Variants in MDM4 observed in about 807,000 individuals in gnomAD.
MDM4 encodes MDM4 regulator of p53.
Under a neutral mutation model 60.2 loss-of-function variants are expected in MDM4, and 2 were observed. The observed-to-expected ratio is 0.03, with a 90% CI of 0.01 to 0.10. The LOEUF (loss-of-function observed/expected upper bound fraction) is 0.10. Among genes scored for constraint, MDM4 ranks in the 10% least tolerant of loss-of-function variants. MDM4 has a pLI of 1.00. For synonymous variants in MDM4, 202 were observed against 198.1 expected, an observed-to-expected ratio of 1.02 and a Z score of -0.17; for missense variants, 447 against 577.5, an observed-to-expected ratio of 0.77 and a Z score of 2.32.
intron 4 of MDM4, among the ~76,000 whole-genome samples, chr1:204,531,719 C>A (rs1408337839): frequency 6.6e-6 from 1 of 152,032 alleles, no homozygotes; most frequent in African/African-American, 2.4e-5. Context: ...ATAATCCTAG[C>A]TAGTAGGGAG....
chr1:204,529,423 C>G lies in MDM4; in HGVS notation c.154-1261C>G, dbSNP rs1660614882. On this transcript the variant is annotated intron_variant, in intron 3 of 10. Coordinates refer to ENST00000367182, the MANE Select transcript of MDM4 (RefSeq NM_002393.5). ...CCGTAGGAATTTGGAGGTGGCTGAC[C>G]ATAGGGGCCCCCTGGAGCTGTACCA... The G allele has an allele frequency of 1.4e-5, 20 of 1,435,056 alleles. No homozygotes were observed. In the South Asian group the frequency reaches 2.3e-4, roughly 17 times the overall value. The allele number at this position is 1,435,056 out of a possible 1,614,324, so 88.9% of individuals were successfully genotyped here.
intron 7 of MDM4, among the ~76,000 whole-genome samples, chr1:204,539,687 C>T (rs182477116): frequency 6.6e-5 from 10 of 151,976 alleles, no homozygotes; most frequent in Admixed American, 4.6e-4. Context: ...CAGGCGTGCA[C>T]CACTACGCCC....
At chr1:204,527,701 C>T (rs1233311434) in intron 3 of MDM4, among the ~76,000 whole-genome samples, 1 of 151,156 alleles carries the variant, frequency 6.6e-6, no homozygotes, top group East Asian at 1.9e-4. Context: ...ATTTTAAACA[C>T]ATGCATTTAA....
At chr1:204,526,464 T>TTG in intron 3 of MDM4, 30 bp downstream of exon 3, 3 of 1,498,194 alleles carry the variant, frequency 2.0e-6, no homozygotes, top group Non-Finnish European at 2.7e-6. Context: ...TCTCATTTTT[T>TTG]TTGTTTTTTT....
chr1:204,517,832 T>C (rs553665643), intron 1 of MDM4, among the ~76,000 whole-genome samples: 2 of 151,078 alleles, frequency 1.3e-5, no homozygotes, highest in East Asian at 3.9e-4. Flanking sequence ...CAGTTTAGAT[T>C]TAGTCTTCTC....
intron 1 of MDM4, among the ~76,000 whole-genome samples, chr1:204,518,237 C>T (rs957929330): frequency 6.6e-6 from 1 of 152,196 alleles, no homozygotes; most frequent in Admixed American, 6.5e-5. Context: ...ACACTACAGC[C>T]TGAAACTCCT....
In MDM4 at chr1:204,555,965, C is replaced by T; in HGVS notation, c.*6283C>T. The T allele has an allele frequency of 9.7e-6, 2 of 205,534 alleles. No homozygotes were observed. Among genetic ancestry groups the T allele is most frequent in the East Asian group, 1.5e-4 (2 of 13,280 alleles). 12.7% of individuals were successfully genotyped at this position (205,534 alleles called of 1,614,324 possible). A position where few individuals can be genotyped will look rare whatever the true frequency, so the allele number is the denominator to read the frequency against. On this transcript the variant is annotated 3_prime_UTR_variant, in exon 11 of 11. Transcript: ENST00000367182. ...ACAGTTAAGTACTGATGTCAACAGA[C>T]AAATATTTCTGATCAGATAGTCCCC...
At chr1:204,530,857 A>G in intron 4 of MDM4, 40 bp downstream of exon 4, 2 of 1,612,862 alleles carry the variant, frequency 1.2e-6, no homozygotes, top group Non-Finnish European at 1.7e-6. Context: ...TTGGGTGCTT[A>G]TACCTAGCCA....
At chr1:204,521,360 G>A (rs1659550660) in intron 1 of MDM4, among the ~76,000 whole-genome samples, 1 of 152,180 alleles carries the variant, frequency 6.6e-6, no homozygotes, top group Non-Finnish European at 1.5e-5. Flanking sequence ...GTTAAGTCAG[G>A]TGCAGCTGAG....
intron 7 of MDM4, among the ~76,000 whole-genome samples, chr1:204,539,021 C>T (rs1661732429): frequency 6.6e-6 from 1 of 152,146 alleles, no homozygotes; most frequent in Non-Finnish European, 1.5e-5. Flanking sequence ...AGGCGCACGC[C>T]ACCACACCCG....
chr1:204,529,484 C>T, intron 3 of MDM4: 1 of 1,527,872 alleles, frequency 6.5e-7, no homozygotes, highest in Non-Finnish European at 8.9e-7. Context: ...AGGGGAACAT[C>T]CCAGGATTGA....
chr1:204,530,626 A>T (rs1660768484), intron 3 of MDM4, 58 bp from the exon 4 acceptor site: 2 of 1,598,062 alleles, frequency 1.3e-6, no homozygotes, highest in Non-Finnish European at 1.7e-6. Flanking sequence ...TCCTCTAATG[A>T]ATTTGTGTTT....
rs559184969 is a variant in MDM4 at position 204,557,691 on chromosome 1, T to C, written c.*8009T>C. The C allele has an allele frequency of 3.9e-4, 71 of 180,602 alleles. No individual in the cohort carries two copies. Among genetic ancestry groups the C allele is most frequent in the African/African-American group, 1.6e-3 (67 of 42,510 alleles). 11.2% of individuals were successfully genotyped at this position (180,602 alleles called of 1,614,324 possible). On this transcript the variant is annotated 3_prime_UTR_variant, in exon 11 of 11. Coordinates refer to ENST00000367182, the MANE Select transcript of MDM4 (RefSeq NM_002393.5). ...TACTGGGATTACAGGCGTGAGCAACTGCTCCTGGCCCAAAACATCTCTTTC... is the reference window on the plus strand; with the variant it reads ...TACTGGGATTACAGGCGTGAGCAACCGCTCCTGGCCCAAAACATCTCTTTC...
In MDM4 at chr1:204,537,540, C is replaced by T. The variant is rs184072688; in HGVS notation, c.411+43C>T. On this transcript the variant is annotated intron_variant, in intron 6 of 10. Transcript: ENST00000367182. ...TGACTTCTTTTGTTGTACAGAGTGG[C>T]CCCTTCTCTGTACCTATGGATCTTG... The T allele has an allele frequency of 3.7e-4, 513 of 1,390,998 alleles. 3 individuals are homozygous for T. In the Admixed American group the frequency reaches 6.1e-3, roughly 16 times the overall value. The allele number at this position is 1,390,998 out of a possible 1,614,324, so 86.2% of individuals were successfully genotyped here.
intron 3 of MDM4, chr1:204,528,705 T>A: frequency 1.6e-6 from 1 of 619,016 alleles, no homozygotes; most frequent in Non-Finnish European, 2.9e-6. Flanking sequence ...TCAACCCTCT[T>A]TTGGAACAGT....
chr1:204,545,175 AC>A (rs1440412930), intron 9 of MDM4, among the ~76,000 whole-genome samples: 1 of 152,184 alleles, frequency 6.6e-6, no homozygotes, highest in Non-Finnish European at 1.5e-5. Flanking sequence ...AAGGTTGGAC[AC>A]CCCTGTTGTA....
Position 204,555,193 on chromosome 1 carries a change from C to T in MDM4, c.*5511C>T, listed in dbSNP as rs1005032464. The T allele has an allele frequency of 3.4e-5, 6 of 177,916 alleles. No homozygotes were observed. Among genetic ancestry groups the T allele is most frequent in the Non-Finnish European group, 4.8e-5 (4 of 83,426 alleles). 11.0% of individuals were successfully genotyped at this position (177,916 alleles called of 1,614,324 possible). Reference sequence around the variant, plus strand: ...TTTTTTAGACGGAGTCTCTCTCTGTCGCCCCGGCTGGAGTGCAGTGGCGCG... The same window carrying T: ...TTTTTTAGACGGAGTCTCTCTCTGTTGCCCCGGCTGGAGTGCAGTGGCGCG... On this transcript the variant is annotated 3_prime_UTR_variant, in exon 11 of 11. Transcript: ENST00000367182.
In MDM4 at chr1:204,557,673, A is replaced by T. The variant is rs1424567922; in HGVS notation, c.*7991A>T. 4 of 179,026 alleles carry T rather than the reference A, an allele frequency of 2.2e-5. No individual in the cohort carries two copies. The highest frequency in any genetic ancestry group is 4.8e-5 in the Non-Finnish European group (4 of 83,488). The allele number at this position is 179,026 out of a possible 1,614,324, so 11.1% of individuals were successfully genotyped here. A position where few individuals can be genotyped will look rare whatever the true frequency, so the allele number is the denominator to read the frequency against. ...CGCCTTGGCCTCCCAAAGTACTGGGATTACAGGCGTGAGCAACTGCTCCTG... is the reference window on the plus strand; with the variant it reads ...CGCCTTGGCCTCCCAAAGTACTGGGTTTACAGGCGTGAGCAACTGCTCCTG... On this transcript the variant is annotated 3_prime_UTR_variant, in exon 11 of 11. Coordinates refer to ENST00000367182, the MANE Select transcript of MDM4 (RefSeq NM_002393.5).
At chr1:204,536,181 G>A (rs553308100) in intron 5 of MDM4, among the ~76,000 whole-genome samples, 77 of 152,318 alleles carry the variant, frequency 5.1e-4, no homozygotes, top group Admixed American at 1.3e-3. Context: ...GAGCCAGGGA[G>A]GTAGAGGTTT....
Sources: gnomAD v4.1 joint callset for allele counts (sites outside exome capture counted in the v4.1 genomes callset) on GRCh38, gnomAD v4.1.1 for gene constraint, MANE v1.5 for transcripts, NCBI Gene and HGNC (gene_info 2026-07-23, HGNC 2026-07-21) for gene names.